The following BLM variants were observed in gnomAD, a reference collection of about 807,000 sequenced individuals.
BLM encodes the protein recQ-like DNA helicase BLM.
Under a neutral mutation model 135.3 loss-of-function variants are expected in BLM, and 95 were observed. That is an observed-to-expected ratio of 0.70 (90% CI 0.59 to 0.83). The LOEUF (loss-of-function observed/expected upper bound fraction) is 0.83, where lower values mean the gene tolerates loss of function less well. Among genes scored for constraint, BLM ranks in the 40% least tolerant of loss-of-function variants. The pLI, the probability that BLM is intolerant of heterozygous loss-of-function variation, is 0.00. For missense variants in BLM, 1,518 were observed against 1,663.9 expected, an observed-to-expected ratio of 0.91 and a Z score of 1.53; for synonymous variants, 520 against 589.2, an observed-to-expected ratio of 0.88 and a Z score of 1.70.
intron 1 of BLM, among the ~76,000 whole-genome samples, chr15:90,735,991 A>G (rs1361492348): frequency 6.6e-6 from 1 of 152,250 alleles, no homozygotes. Context: ...AAAAGATTCA[A>G]AAACCATCCT....
At chr15:90,754,963 C>T in intron 5 of BLM, 25 bp downstream of exon 5, 1 of 1,612,400 alleles carries the variant, frequency 6.2e-7, no homozygotes, top group Non-Finnish European at 8.5e-7. Context: ...TTAGACATAC[C>T]ATGTATTTCA....
chr15:90,736,260 T>G (rs922201900), intron 1 of BLM, among the ~76,000 whole-genome samples: 7 of 152,170 alleles, frequency 4.6e-5, no homozygotes, highest in Non-Finnish European at 8.8e-5. Context: ...ATACATTTTC[T>G]TTTCTTTCTT....
intron 12 of BLM, among the ~76,000 whole-genome samples, chr15:90,777,850 C>A (rs1567049831): frequency 1.3e-5 from 2 of 152,228 alleles, no homozygotes; most frequent in East Asian, 3.8e-4. Context: ...TCCGCATCTT[C>A]TCCCTCTTGT....
chr15:90,765,214 A>T (rs570311411), intron 8 of BLM, 82 bp from the exon 9 acceptor site: 2 of 1,126,700 alleles, frequency 1.8e-6, no homozygotes, highest in East Asian at 4.7e-5. Flanking sequence ...TGTCCTATTA[A>T]TGATATGATT....
At chr15:90,776,998 G>T (rs1286485657) in intron 12 of BLM, among the ~76,000 whole-genome samples, 1 of 138,974 alleles carries the variant, frequency 7.2e-6, no homozygotes, top group Non-Finnish European at 1.6e-5. Context: ...GTTTTGTTTT[G>T]TTTTGTTTTT....
chr15:90,785,129 A>T (rs1439977632), intron 14 of BLM, 48 bp downstream of exon 14: 1 of 1,558,436 alleles, frequency 6.4e-7, no homozygotes, highest in Non-Finnish European at 8.8e-7. Context: ...CTTTTATAGC[A>T]TATAACCAAA....
chr15:90,754,469 G>A (rs1895763713), intron 4 of BLM, among the ~76,000 whole-genome samples: 1 of 152,180 alleles, frequency 6.6e-6, no homozygotes, highest in Non-Finnish European at 1.5e-5. Flanking sequence ...ATTTGGGTAC[G>A]AAGAGATTGG....
chr15:90,732,231 G>A (rs1895087580), intron 1 of BLM, among the ~76,000 whole-genome samples: 1 of 152,014 alleles, frequency 6.6e-6, no homozygotes, highest in Non-Finnish European at 1.5e-5. Flanking sequence ...TCAATACAAA[G>A]GGATTTTCTA....
rs939173776 is a variant in BLM, at chr15:90,814,989, A to G, written c.4077-113A>G. 2.7e-5 allele frequency: 30 copies of G among 1,102,638 alleles called. No individual in the cohort carries two copies. The South Asian group carries it at 3.6e-4, about 13-fold the overall frequency. 68.3% of individuals were successfully genotyped at this position (1,102,638 alleles called of 1,614,324 possible). On this transcript the variant is annotated intron_variant, in intron 21 of 21. Transcript: ENST00000355112. ...GGGGGCTCGTAGGCAGAAAATGCAC[A>G]AGGACACATTAGGCCCAGGGAAGTG...
At position 90,756,107 on chromosome 15, in the gene BLM, CT is replaced by C. The variant is rs367589024; in HGVS notation, c.1087+1183del. Reference sequence around the variant, plus strand: ...CTACCTCAAACTTTAAGGTAGTTTCCTTTTTTTTTTTTTTGAGACGGAGTCT... The same window carrying C: ...CTACCTCAAACTTTAAGGTAGTTTCCTTTTTTTTTTTTTGAGACGGAGTCT... On this transcript the variant is annotated intron_variant, in intron 5 of 21. Transcript: ENST00000355112. 2.1e-3 allele frequency among the ~76,000 whole-genome samples: 294 copies of C among 143,020 alleles called. 1 individual carries two copies. The highest frequency in any genetic ancestry group is 2.2e-3 in the Non-Finnish European group (146 of 64,902). The allele number at this position is 143,020 out of a possible 152,430, so 93.8% of individuals were successfully genotyped here. A position where few individuals can be genotyped will look rare whatever the true frequency, so the allele number is the denominator to read the frequency against.
intron 1 of BLM, among the ~76,000 whole-genome samples, chr15:90,718,068 T>G (rs1192358867): frequency 6.6e-6 from 1 of 152,214 alleles, no homozygotes; most frequent in Non-Finnish European, 1.5e-5. Flanking sequence ...GTCTGTCATA[T>G]GGGGGAAATG....
At chr15:90,797,397 C>CAA (rs55690781) in intron 16 of BLM, among the ~76,000 whole-genome samples, 39,516 of 134,018 alleles carry the variant, frequency 0.29, 6,303 homozygotes, top group African/African-American at 0.47. Flanking sequence ...GCCTGGGCGA[C>CAA]GAGCGAAACT....
chr15:90,757,444 G>C (rs1177296987), intron 5 of BLM, among the ~76,000 whole-genome samples: 2 of 152,156 alleles, frequency 1.3e-5, no homozygotes, highest in East Asian at 3.9e-4. Flanking sequence ...TTGGCTTTCA[G>C]TTCCATCCGA....
At chr15:90,747,663 TGA>T in intron 2 of BLM, 173 bp downstream of exon 2, 2 of 603,780 alleles carry the variant, frequency 3.3e-6, no homozygotes. Flanking sequence ...CAGCACCAGG[TGA>T]GATTGTGTCT....
At chr15:90,769,666 C>A (rs79508004) in intron 12 of BLM, 80 bp downstream of exon 12, 6 of 1,482,616 alleles carry the variant, frequency 4.0e-6, no homozygotes, top group Non-Finnish European at 5.5e-6. Context: ...TCACCTGTGG[C>A]GCTTTAACGC....
intron 4 of BLM, among the ~76,000 whole-genome samples, chr15:90,752,906 A>G (rs1895725990): frequency 6.6e-6 from 1 of 152,218 alleles, no homozygotes; most frequent in Non-Finnish European, 1.5e-5. Flanking sequence ...GGAGCAAGGA[A>G]TTGCCCAGGT....
At chr15:90,774,066 C>CTT (rs61323062) in intron 12 of BLM, among the ~76,000 whole-genome samples, 2,062 of 76,904 alleles carry the variant, frequency 0.027, 260 homozygotes, top group African/African-American at 0.059. Flanking sequence ...GTGCCTCCGT[C>CTT]TTTTTTTTTT....
chr15:90,729,008 T>C (rs1159631299), intron 1 of BLM, among the ~76,000 whole-genome samples: 4 of 151,836 alleles, frequency 2.6e-5, no homozygotes, highest in Admixed American at 6.6e-5. Context: ...GGTGAGTCCC[T>C]GTCTCTGTTT....
At chr15:90,785,285 TATC>T (rs1277361401) in intron 14 of BLM, among the ~76,000 whole-genome samples, 11 of 152,194 alleles carry the variant, frequency 7.2e-5, no homozygotes, top group Admixed American at 6.5e-4. Flanking sequence ...ATAATTCACA[TATC>T]ATAAAATTTA....
Sources: allele counts gnomAD v4.1 joint callset (sites outside exome capture counted in the v4.1 genomes callset), GRCh38; gene constraint gnomAD v4.1.1; transcripts MANE v1.5; gene names NCBI Gene and HGNC (gene_info 2026-07-23, HGNC 2026-07-21).